Variants in ANKRD26 observed in about 807,000 individuals in gnomAD.
ANKRD26 encodes ankyrin repeat domain-containing protein 26.
ANKRD26 carries 141 observed loss-of-function variants against 208.7 expected under a neutral mutation model. The ratio of observed to expected loss-of-function variants is 0.68; its 90% CI spans 0.59 to 0.78. The LOEUF (loss-of-function observed/expected upper bound fraction) is 0.78, where lower values mean the gene tolerates loss of function less well. ANKRD26 is among the 30% of genes least tolerant of loss of function. ANKRD26 has a pLI of 0.00. For synonymous variants in ANKRD26, 636 were observed against 660.4 expected (o/e 0.96, Z 0.57); for missense variants, 1,889 against 1,938.7 (o/e 0.97, Z 0.48).
At chr10:26,983,546 G>A (rs2052340106) in intron 3 of ANKRD26, among the ~76,000 whole-genome samples, 1 of 152,174 alleles carries the variant, frequency 6.6e-6, no homozygotes, top group African/African-American at 2.4e-5. Flanking sequence ...CTCCTGCACT[G>A]TTTGGTCTGG....
intron 1 of ANKRD26, among the ~76,000 whole-genome samples, chr10:27,099,354 T>C (rs2056569596): frequency 6.6e-6 from 1 of 151,854 alleles, no homozygotes; most frequent in Non-Finnish European, 1.5e-5. Flanking sequence ...AAATCCATTC[T>C]ATGGGTTCTC....
intron 4 of ANKRD26, 83 bp from the exon 5 acceptor site, chr10:27,086,692 C>A: frequency 1.4e-6 from 2 of 1,424,656 alleles, no homozygotes; most frequent in Non-Finnish European, 9.5e-7. Context: ...TTGAGTATTT[C>A]AGCCATTATC....
At chr10:27,058,767 G>A (rs1429540110) in intron 15 of ANKRD26, among the ~76,000 whole-genome samples, 8 of 151,680 alleles carry the variant, frequency 5.3e-5, no homozygotes, top group South Asian at 4.2e-4. Flanking sequence ...TAGTAGAGAC[G>A]GGGTTTCACC....
intron 7 of ANKRD26, among the ~76,000 whole-genome samples, chr10:27,078,064 C>T (rs1194810062): frequency 6.6e-6 from 1 of 152,090 alleles, no homozygotes; most frequent in Non-Finnish European, 1.5e-5. Flanking sequence ...ATATTATTTT[C>T]TGAAATGTGT....
At chr10:27,089,067 T>C (rs1461836594) in intron 4 of ANKRD26, among the ~76,000 whole-genome samples, 1 of 152,152 alleles carries the variant, frequency 6.6e-6, no homozygotes, top group Non-Finnish European at 1.5e-5. Flanking sequence ...AACTTTGAAG[T>C]CTACCTATGG....
At chr10:27,090,553 G>C (rs1208480054) in intron 4 of ANKRD26, among the ~76,000 whole-genome samples, 1 of 152,044 alleles carries the variant, frequency 6.6e-6, no homozygotes, top group African/African-American at 2.4e-5. Context: ...AGCATCTTGG[G>C]TGCTCAAGTG....
At chr10:27,055,145 G>A (rs538327749) in intron 15 of ANKRD26, among the ~76,000 whole-genome samples, 1 of 152,224 alleles carries the variant, frequency 6.6e-6, no homozygotes, top group African/African-American at 2.4e-5. Flanking sequence ...ATATATCTGG[G>A]TCCCTGGAGA....
At chr10:26,961,929 C>G in the ANKRD26 span, among the ~76,000 whole-genome samples, 1 of 152,054 alleles carries the variant, frequency 6.6e-6, no homozygotes, top group Non-Finnish European at 1.5e-5. Context: ...AAAGTGACAA[C>G]AAAATATATG....
chr10:27,092,347 T>C (rs1254040755), intron 4 of ANKRD26, 59 bp downstream of exon 4: 10 of 1,301,288 alleles, frequency 7.7e-6, no homozygotes, highest in Non-Finnish European at 9.8e-6. Context: ...AAAACACAGA[T>C]CTAAAAAAAC....
At chr10:27,037,774 G>C in intron 22 of ANKRD26, 97 bp downstream of exon 22, 1 of 1,035,452 alleles carries the variant, frequency 9.7e-7, no homozygotes, top group Non-Finnish European at 1.4e-6. Context: ...TAACAGTTTT[G>C]TTTTAAACCT....
At chr10:27,068,106 T>C (rs982756454) in intron 9 of ANKRD26, among the ~76,000 whole-genome samples, 1 of 152,148 alleles carries the variant, frequency 6.6e-6, no homozygotes, top group African/African-American at 2.4e-5. Flanking sequence ...TGCAGTGATA[T>C]GGTTTGGCTC....
chr10:27,085,233 T>G (rs961278127), intron 5 of ANKRD26, among the ~76,000 whole-genome samples: 5 of 151,964 alleles, frequency 3.3e-5, no homozygotes, highest in Non-Finnish European at 7.4e-5. Context: ...CCTGAGTAGC[T>G]GGGGTTACAG....
At chr10:27,037,791 C>T (rs2135218364) in intron 22 of ANKRD26, 80 bp downstream of exon 22, 1 of 1,158,376 alleles carries the variant, frequency 8.6e-7, no homozygotes, top group Admixed American at 2.2e-5. Flanking sequence ...ACCTAGATAA[C>T]ATATATTAAA....
chr10:26,968,170 T>C, the ANKRD26 span, among the ~76,000 whole-genome samples: 1 of 152,200 alleles, frequency 6.6e-6, no homozygotes, highest in East Asian at 1.9e-4. Flanking sequence ...AGAGATATTG[T>C]ACTCTAGGAC....
chr10:26,985,599 T>C (rs945538123), intron 3 of ANKRD26, among the ~76,000 whole-genome samples: 6 of 152,166 alleles, frequency 3.9e-5, no homozygotes, highest in Non-Finnish European at 8.8e-5. Context: ...AGCAGATTGG[T>C]TACCCTGCTT....
At chr10:27,095,496 C>G (rs2056438920) in intron 1 of ANKRD26, among the ~76,000 whole-genome samples, 1 of 152,146 alleles carries the variant, frequency 6.6e-6, no homozygotes, top group Admixed American at 6.6e-5. Context: ...GGTAAAACCC[C>G]ATCTCTGCTA....
chr10:27,058,938 G>A (rs754774083), intron 15 of ANKRD26, among the ~76,000 whole-genome samples: 12 of 147,258 alleles, frequency 8.1e-5, no homozygotes, highest in Non-Finnish European at 1.6e-4. Context: ...TTTTTCAGAC[G>A]TTGTCTCGCT....
intron 17 of ANKRD26, 36 bp from the exon 18 acceptor site, chr10:27,046,559 GA>G: frequency 6.3e-7 from 1 of 1,578,582 alleles, no homozygotes; most frequent in Non-Finnish European, 8.6e-7. Flanking sequence ...AGTTACATAA[GA>G]AAAAAGAAAA....
At chr10:27,057,387 GATTT>G (rs1176144398) in intron 15 of ANKRD26, among the ~76,000 whole-genome samples, 1 of 151,946 alleles carries the variant, frequency 6.6e-6, no homozygotes, top group African/African-American at 2.4e-5. Context: ...TTCCATAAGA[GATTT>G]GTTTATTAAT....
Sources: gnomAD v4.1 joint callset for allele counts (sites outside exome capture counted in the v4.1 genomes callset) on GRCh38, gnomAD v4.1.1 for gene constraint, MANE v1.5 for transcripts, NCBI Gene and HGNC (gene_info 2026-07-23, HGNC 2026-07-21) for gene names.